Variants in SAMD12 observed in about 807,000 individuals in gnomAD.
The protein encoded by SAMD12 is sterile alpha motif domain containing 12, also known as sterile alpha motif domain-containing protein 12.
Under a neutral mutation model 15.0 loss-of-function variants are expected in SAMD12, and 9 were observed. That is an observed-to-expected ratio of 0.60 (90% CI 0.36 to 1.05). The LOEUF is 1.05. SAMD12 is among the 50% of genes least tolerant of loss of function. The probability of loss-of-function intolerance (pLI) is 0.01; values close to 1 mark genes in which losing one functional copy is unlikely to be tolerated. For synonymous variants in SAMD12, 86 were observed against 90.1 expected (o/e 0.96, Z 0.25); for missense variants, 230 against 234.2 (o/e 0.98, Z 0.12).
intron 2 of SAMD12, among the ~76,000 whole-genome samples, chr8:118,516,742 A>C (rs1825255917): frequency 6.6e-6 from 1 of 150,764 alleles, no homozygotes. Flanking sequence ...GGGTTTAAGC[A>C]ATTCTCCTGC....
At chr8:118,175,359 G>T in the SAMD12 span, among the ~76,000 whole-genome samples, 5 of 152,146 alleles carry the variant, frequency 3.3e-5, no homozygotes, top group South Asian at 2.1e-4. Flanking sequence ...ATGGATTAAA[G>T]AATTAAATGT....
At position 118,264,473 on chromosome 8, in the gene SAMD12, A is replaced by G. The variant is rs561721936; in HGVS notation, c.434-66741T>C. Reference sequence around the variant, plus strand: ...TGCAAGCCCTGGTAACCTGTCACAGAGTCTTTGGGATACTCAGAGCTGACG... The same window carrying G: ...TGCAAGCCCTGGTAACCTGTCACAGGGTCTTTGGGATACTCAGAGCTGACG... On this transcript the variant is annotated intron_variant, in intron 4 of 4. Coordinates refer to the SAMD12 transcript ENST00000409003. Among the ~76,000 whole-genome samples the G allele has an allele frequency of 1.4e-4, 21 of 152,268 alleles. 1 individual carries two copies. The South Asian group carries it at 2.7e-3, about 20-fold the overall frequency.
intron 2 of SAMD12, among the ~76,000 whole-genome samples, chr8:118,445,403 G>A (rs576460178): frequency 1.3e-5 from 2 of 152,054 alleles, no homozygotes; most frequent in East Asian, 1.9e-4. Flanking sequence ...GCTGTTTCCC[G>A]AATGGTCTAT....
exon 5 of SAMD12, chr8:118,191,799 TATATATATATATAGAGAGAG>T (rs1215865800): frequency 1.4e-4 from 6 of 42,120 alleles, no homozygotes; most frequent in African/African-American, 2.1e-4. Context: ...TATATATATA[TATATATATATATAGAGAGAG>T]AGAGAGAGAG....
At chr8:118,608,021 T>C (rs780207026) in intron 1 of SAMD12, among the ~76,000 whole-genome samples, 2 of 152,176 alleles carry the variant, frequency 1.3e-5, no homozygotes, top group Non-Finnish European at 1.5e-5. Flanking sequence ...TTATCTTCCT[T>C]CTTTCAGCAT....
At chr8:118,236,896 G>A (rs952402352) in intron 4 of SAMD12, among the ~76,000 whole-genome samples, 1 of 152,164 alleles carries the variant, frequency 6.6e-6, no homozygotes, top group African/African-American at 2.4e-5. Context: ...CTACCTTCTC[G>A]TTTTCTAATC....
intron 1 of SAMD12, among the ~76,000 whole-genome samples, chr8:118,602,203 A>G (rs1453601254): frequency 6.6e-6 from 1 of 152,212 alleles, no homozygotes; most frequent in Non-Finnish European, 1.5e-5. Flanking sequence ...GGCTGAAGGT[A>G]TTTCGGTTTG....
At chr8:118,163,434 G>A in the SAMD12 span, among the ~76,000 whole-genome samples, 2 of 152,296 alleles carry the variant, frequency 1.3e-5, no homozygotes, top group East Asian at 3.9e-4. Flanking sequence ...GTAGGGAAGA[G>A]AAAAGTAGCA....
At chr8:118,447,492 A>G (rs548766091) in intron 2 of SAMD12, among the ~76,000 whole-genome samples, 1 of 151,886 alleles carries the variant, frequency 6.6e-6, no homozygotes, top group South Asian at 2.1e-4. Context: ...ATTAGTAGAG[A>G]TGGGGTTTCA....
the SAMD12 span, among the ~76,000 whole-genome samples, chr8:118,181,799 C>CA: frequency 1.3e-5 from 2 of 152,190 alleles, no homozygotes; most frequent in Non-Finnish European, 2.9e-5. Flanking sequence ...ACCAATGCCC[C>CA]TGCCTGGGAG....
intron 2 of SAMD12, among the ~76,000 whole-genome samples, chr8:118,505,861 T>G (rs1824906723): frequency 1.3e-5 from 2 of 152,140 alleles, no homozygotes; most frequent in South Asian, 4.1e-4. Flanking sequence ...CCAAAAGTGA[T>G]GCATTACTAT....
chr8:118,530,547 G>T (rs1825656989), intron 2 of SAMD12, among the ~76,000 whole-genome samples: 1 of 151,908 alleles, frequency 6.6e-6, no homozygotes, highest in Non-Finnish European at 1.5e-5. Context: ...GGGTTTTTTT[G>T]TCTTGTTTTT....
intron 2 of SAMD12, among the ~76,000 whole-genome samples, chr8:118,463,820 A>G (rs1357541585): frequency 1.3e-5 from 2 of 151,810 alleles, no homozygotes; most frequent in African/African-American, 4.8e-5. Context: ...CTTCAGCACA[A>G]GGGGGCAGGC....
Position 118,379,693 on chromosome 8 carries a change from G to C in SAMD12, c.330C>G (p.Ala110=), listed in dbSNP as rs1312705022. The change falls in exon 4 of 4, where the codon GCC becomes GCG. Residue 110 remains alanine, a synonymous_variant. Coordinates refer to ENST00000314727, the MANE Select transcript of SAMD12 (RefSeq NM_207506.3). ...SFKQHDITGR[A]LLRLTDKKLE... ...GCTTTTTGTCAGTAAGTCTCAGCAG[G>C]GCTCGCCCTGCAGGGTTTTAAGAAA... 3.1e-6 allele frequency: 5 copies of C among 1,613,066 alleles called. No homozygotes were observed. The African/African-American group carries it at 4.0e-5, about 13-fold the overall frequency.
intron 2 of SAMD12, among the ~76,000 whole-genome samples, chr8:118,497,726 G>C (rs1332920036): frequency 2.5e-5 from 3 of 117,684 alleles, no homozygotes; most frequent in African/African-American, 7.2e-5. Context: ...TAAGTTGCGG[G>C]GGGGGGTGGG....
rs1183722312 is a variant in SAMD12, at chr8:118,233,434, A to C, written c.434-35702T>G. 2.0e-5 allele frequency among the ~76,000 whole-genome samples: 3 copies of C among 152,164 alleles called. No homozygotes were observed. In the South Asian group the frequency reaches 6.2e-4, roughly 32 times the overall value. ...CTTCCCGGACCTCTGTAGTAGAAAG[A>C]AGATAGTTTTGGAACCTGAAATGGG... is the stretch of plus-strand genomic sequence containing the variant. On this transcript the variant is annotated intron_variant, in intron 4 of 4. Transcript: ENST00000409003.
chr8:118,507,427 T>A (rs1260958912), intron 2 of SAMD12, among the ~76,000 whole-genome samples: 1 of 151,816 alleles, frequency 6.6e-6, no homozygotes, highest in Non-Finnish European at 1.5e-5. Context: ...CAATTGAGGG[T>A]TTATGATGTA....
intron 4 of SAMD12, among the ~76,000 whole-genome samples, chr8:118,311,538 T>C (rs1183491553): frequency 6.6e-6 from 1 of 152,240 alleles, no homozygotes; most frequent in African/African-American, 2.4e-5. Flanking sequence ...CATATAGTTA[T>C]GCTAGGCTTA....
At chr8:118,443,942 T>C (rs1375368281) in intron 2 of SAMD12, among the ~76,000 whole-genome samples, 3 of 152,204 alleles carry the variant, frequency 2.0e-5, no homozygotes, top group African/African-American at 7.2e-5. Context: ...ATCACTTGAA[T>C]TCAACATATT....
Sources: gnomAD v4.1 joint callset for allele counts (sites outside exome capture counted in the v4.1 genomes callset) on GRCh38, gnomAD v4.1.1 for gene constraint, MANE v1.5 for transcripts, NCBI Gene and HGNC (gene_info 2026-07-23, HGNC 2026-07-21) for gene names.